Variants in PKN2 observed in about 807,000 individuals in gnomAD.
The protein encoded by PKN2 is serine/threonine-protein kinase N2.
A neutral mutation model predicts 119.1 loss-of-function variants in PKN2; 38 were observed. That is an observed-to-expected ratio of 0.32 (90% CI 0.25 to 0.42). PKN2 has a LOEUF of 0.42. PKN2 is among the 10% of genes least tolerant of loss of function. The pLI is 1.00. For synonymous variants in PKN2, 390 were observed against 384.9 expected (o/e 1.01, Z -0.15); for missense variants, 850 against 1,165.1 (o/e 0.73, Z 3.94).
At chr1:88,789,809 A>G (rs1025171535) in intron 8 of PKN2, among the ~76,000 whole-genome samples, 2 of 152,120 alleles carry the variant, frequency 1.3e-5, no homozygotes, top group African/African-American at 4.8e-5. Context: ...CTTTTAAACC[A>G]CCGCACTCCT....
At chr1:88,775,848 G>A (rs879870612) in intron 6 of PKN2, among the ~76,000 whole-genome samples, 4 of 152,126 alleles carry the variant, frequency 2.6e-5, no homozygotes, top group Non-Finnish European at 5.9e-5. Flanking sequence ...GCTCACGCCT[G>A]TAATCTCAGC....
At chr1:88,830,003 G>T (rs1174319173) in intron 19 of PKN2, among the ~76,000 whole-genome samples, 2 of 152,134 alleles carry the variant, frequency 1.3e-5, no homozygotes, top group Admixed American at 1.3e-4. Flanking sequence ...TTTATCATGT[G>T]CTAAGCACTG....
chr1:88,806,240 C>T (rs1393262399), intron 12 of PKN2: 21 of 465,504 alleles, frequency 4.5e-5, no homozygotes, highest in Admixed American at 7.2e-5. Context: ...CTGCAACCTC[C>T]GCCTCCCGGA....
rs1044831575 is a variant in PKN2 at position 88,684,420 on chromosome 1, A to T, written c.-161A>T. 4.2e-5 allele frequency: 26 copies of T among 617,912 alleles called. No homozygotes were observed. The East Asian group carries it at 8.6e-4, about 20-fold the overall frequency. 38.3% of individuals were successfully genotyped at this position (617,912 alleles called of 1,614,324 possible). A position where few individuals can be genotyped will look rare whatever the true frequency, so the allele number is the denominator to read the frequency against. ...CGCCGCTCTCGATGAACCGGACGGA[A>T]TAAGCCGCGCCTCCAGCAGGGGCTG... On this transcript the variant is annotated 5_prime_UTR_variant, in exon 1 of 22. Coordinates refer to ENST00000370521, the MANE Select transcript of PKN2 (RefSeq NM_006256.4).
intron 1 of PKN2, among the ~76,000 whole-genome samples, chr1:88,739,940 A>T (rs1346151121): frequency 6.6e-6 from 1 of 152,148 alleles, no homozygotes; most frequent in Non-Finnish European, 1.5e-5. Flanking sequence ...TGAAGTATAC[A>T]GTTGGCCATT....
intron 1 of PKN2, among the ~76,000 whole-genome samples, chr1:88,722,608 A>G (rs370504384): frequency 3.6e-4 from 54 of 151,956 alleles, no homozygotes; most frequent in East Asian, 1.2e-3. Context: ...GTGAGACCCC[A>G]TCTCTACAAA....
At chr1:88,822,203 C>T (rs1037460688) in intron 17 of PKN2, among the ~76,000 whole-genome samples, 200 bp downstream of exon 17, 2 of 152,118 alleles carry the variant, frequency 1.3e-5, no homozygotes, top group African/African-American at 4.8e-5. Context: ...ATCCATAGCA[C>T]ATTTTCTAAT....
At chr1:88,697,709 C>T (rs906317333) in intron 1 of PKN2, among the ~76,000 whole-genome samples, 2 of 152,102 alleles carry the variant, frequency 1.3e-5, no homozygotes, top group African/African-American at 4.8e-5. Flanking sequence ...AAATGCTTTT[C>T]ATTCTTAAGT....
chr1:88,754,446 T>C (rs1291065253), intron 2 of PKN2, among the ~76,000 whole-genome samples: 1 of 152,112 alleles, frequency 6.6e-6, no homozygotes, highest in Non-Finnish European at 1.5e-5. Context: ...CACATTTCAG[T>C]GGAGGGACGA....
At chr1:88,706,896 A>G (rs111334881) in intron 1 of PKN2, among the ~76,000 whole-genome samples, 2 of 152,086 alleles carry the variant, frequency 1.3e-5, no homozygotes, top group African/African-American at 4.8e-5. Context: ...ATTCCTTTCT[A>G]ATTCATTCCA....
At chr1:88,690,742 A>G (rs1666298575) in intron 1 of PKN2, among the ~76,000 whole-genome samples, 1 of 152,206 alleles carries the variant, frequency 6.6e-6, no homozygotes. Context: ...GTGTAACATT[A>G]TATACATAAA....
intron 8 of PKN2, among the ~76,000 whole-genome samples, chr1:88,798,747 G>C (rs1354234611): frequency 6.6e-6 from 1 of 152,196 alleles, no homozygotes; most frequent in African/African-American, 2.4e-5. Context: ...TGGGGCAGAG[G>C]CCACATCTGA....
intron 1 of PKN2, among the ~76,000 whole-genome samples, chr1:88,721,625 A>G (rs192439727): frequency 6.6e-6 from 1 of 152,300 alleles, no homozygotes; most frequent in African/African-American, 2.4e-5. Context: ...AATTTTTAAC[A>G]TGGTTGATTT....
intron 2 of PKN2, 47 bp from the exon 3 acceptor site, chr1:88,760,175 G>A (rs774337660): frequency 1.9e-6 from 2 of 1,048,290 alleles, no homozygotes; most frequent in East Asian, 5.1e-5. Context: ...CCAATTTTAA[G>A]CAGCAATTCA....
At chr1:88,714,757 C>CCTTT (rs1248626163) in intron 1 of PKN2, among the ~76,000 whole-genome samples, 1 of 152,066 alleles carries the variant, frequency 6.6e-6, no homozygotes, top group African/African-American at 2.4e-5. Context: ...AATTGAATAC[C>CCTTT]CTTTCTTTCT....
At position 88,833,621 on chromosome 1, in the gene PKN2, G is replaced by T; in HGVS notation, c.*173G>T. On this transcript the variant is annotated 3_prime_UTR_variant, in exon 22 of 22. Transcript: ENST00000370521. ...CCATTCTAATACTTCTTCAAAAGTG[G>T]CTCCTCATTGTACTTCAGCGTAAAT... 1.7e-6 allele frequency: 1 copy of T among 588,438 alleles called. No individual in the cohort carries two copies. Among genetic ancestry groups the T allele is most frequent in the Non-Finnish European group, 3.0e-6 (1 of 334,076 alleles). The allele number at this position is 588,438 out of a possible 1,614,324, so 36.5% of individuals were successfully genotyped here.
chr1:88,751,377 T>TACACAC (rs34210018), intron 2 of PKN2, among the ~76,000 whole-genome samples: 3,053 of 146,644 alleles, frequency 0.021, 81 homozygotes, highest in African/African-American at 0.057. Flanking sequence ...TATTTACACA[T>TACACAC]ACACACACAC....
intron 6 of PKN2, among the ~76,000 whole-genome samples, chr1:88,778,459 T>G (rs115699151): frequency 0.019 from 2,956 of 152,314 alleles, 93 homozygotes; most frequent in African/African-American, 0.066. Flanking sequence ...GAGCTTAGGG[T>G]GTTCTCAGAT....
intron 8 of PKN2, 71 bp from the exon 9 acceptor site, chr1:88,804,320 G>A: frequency 8.6e-7 from 1 of 1,160,046 alleles, no homozygotes; most frequent in South Asian, 1.5e-5. Flanking sequence ...TATTTTTTGT[G>A]ATATTTTATT....
Sources: allele counts gnomAD v4.1 joint callset (sites outside exome capture counted in the v4.1 genomes callset), GRCh38; gene constraint gnomAD v4.1.1; transcripts MANE v1.5; gene names NCBI Gene and HGNC (gene_info 2026-07-23, HGNC 2026-07-21).